RALGAPA1: variants seen among roughly 807,000 people sequenced by gnomAD.
RALGAPA1 encodes ral GTPase-activating protein subunit alpha-1.
Under a neutral mutation model 269.6 loss-of-function variants are expected in RALGAPA1, and 52 were observed. That is an observed-to-expected ratio of 0.19 (90% confidence interval 0.15 to 0.24). The LOEUF (loss-of-function observed/expected upper bound fraction) is 0.24. Among genes scored for constraint, RALGAPA1 ranks in the 10% least tolerant of loss-of-function variants. RALGAPA1 has a pLI of 1.00. For missense variants in RALGAPA1, 1,917 were observed against 3,013.9 expected (o/e 0.64, Z 8.52); for synonymous variants, 817 against 1,008.3 (o/e 0.81, Z 3.60).
chr14:35,718,715 C>T lies in RALGAPA1; in HGVS notation c.2266+2973G>A, dbSNP rs908885335. ...TCTGTAGTCCCAGCTACTTGGGAGGCTGAGGCAGGAGAATTGCCTGAACCT... is the reference window on the plus strand; with the variant it reads ...TCTGTAGTCCCAGCTACTTGGGAGGTTGAGGCAGGAGAATTGCCTGAACCT... On this transcript the variant is annotated intron_variant, in intron 16 of 41. Coordinates refer to ENST00000680220, the MANE Select transcript of RALGAPA1 (RefSeq NM_001346249.2). Among the ~76,000 whole-genome samples the T allele has an allele frequency of 3.9e-5, 6 of 152,086 alleles. No homozygotes were observed. In the South Asian group the frequency reaches 1.0e-3, roughly 26 times the overall value.
intron 15 of RALGAPA1, among the ~76,000 whole-genome samples, chr14:35,722,814 T>C (rs1217661738): frequency 6.6e-6 from 1 of 152,276 alleles, no homozygotes; most frequent in South Asian, 2.1e-4. Context: ...ACATTTTAAA[T>C]AGAGTAACAT....
At chr14:35,780,132 G>C (rs1316515497) in intron 1 of RALGAPA1, among the ~76,000 whole-genome samples, 1 of 151,836 alleles carries the variant, frequency 6.6e-6, no homozygotes, top group East Asian at 1.9e-4. Flanking sequence ...TGCTAGAGAA[G>C]AAGGACATTT....
chr14:35,636,040 C>G (rs2061645217), intron 31 of RALGAPA1, among the ~76,000 whole-genome samples: 2 of 152,232 alleles, frequency 1.3e-5, no homozygotes, highest in Non-Finnish European at 1.5e-5. Flanking sequence ...AATTGTTACT[C>G]ATTTTACTAA....
intron 25 of RALGAPA1, among the ~76,000 whole-genome samples, chr14:35,671,770 T>A (rs2064462390): frequency 6.6e-6 from 1 of 152,146 alleles, no homozygotes; most frequent in African/African-American, 2.4e-5. Context: ...CACTAGAGAT[T>A]AAGGAAGGCT....
intron 36 of RALGAPA1, among the ~76,000 whole-genome samples, chr14:35,600,237 T>G (rs79679818): frequency 1.7e-5 from 2 of 117,798 alleles, no homozygotes; most frequent in Non-Finnish European, 3.3e-5. Flanking sequence ...TTTTTCTTTT[T>G]TTTTTTTTTT....
At chr14:35,647,163 A>AAAGTT (rs2062488403) in intron 31 of RALGAPA1, among the ~76,000 whole-genome samples, 1 of 152,182 alleles carries the variant, frequency 6.6e-6, no homozygotes, top group African/African-American at 2.4e-5. Context: ...TCAAGATTAT[A>AAAGTT]AAGTTGTTTT....
Position 35,605,715 on chromosome 14 carries a change from A to G in RALGAPA1, c.6930-6T>C, listed in dbSNP as rs2059557131. ...CAATCTTGTGTGTCTCTCGGCTATA[A>G]AACAAAAGATTACACCATTAATTTA... is the stretch of plus-strand genomic sequence containing the variant. On this transcript the variant is annotated splice_region_variant and splice_polypyrimidine_tract_variant and intron_variant, in intron 35 of 41. Transcript: ENST00000680220. The G allele has an allele frequency of 1.2e-6, 2 of 1,603,546 alleles. No homozygotes were observed. The highest frequency in any genetic ancestry group is 1.7e-6 in the Non-Finnish European group (2 of 1,177,428).
At chr14:35,669,378 C>A (rs143203995) in intron 26 of RALGAPA1, among the ~76,000 whole-genome samples, 1 of 152,104 alleles carries the variant, frequency 6.6e-6, no homozygotes, top group Non-Finnish European at 1.5e-5. Flanking sequence ...TGTCAGCCTC[C>A]CCAGTAGCTG....
At chr14:35,551,125 T>C (rs760392469) in intron 39 of RALGAPA1, among the ~76,000 whole-genome samples, 2 of 152,324 alleles carry the variant, frequency 1.3e-5, no homozygotes, top group Non-Finnish European at 2.9e-5. Context: ...TACTGGCCTT[T>C]GTGTATTACC....
intron 37 of RALGAPA1, among the ~76,000 whole-genome samples, chr14:35,588,441 T>G (rs184325925): frequency 6.6e-6 from 1 of 152,304 alleles, no homozygotes; most frequent in African/African-American, 2.4e-5. Flanking sequence ...TACAGTGAAG[T>G]AAAAATATCC....
intron 37 of RALGAPA1, among the ~76,000 whole-genome samples, chr14:35,585,521 A>C (rs1304157952): frequency 6.6e-6 from 1 of 152,236 alleles, no homozygotes; most frequent in Non-Finnish European, 1.5e-5. Context: ...ATTAGTTAAA[A>C]ATGGTTTAAA....
intron 39 of RALGAPA1, among the ~76,000 whole-genome samples, chr14:35,549,885 T>C (rs2054817839): frequency 6.6e-6 from 1 of 152,142 alleles, no homozygotes; most frequent in South Asian, 2.1e-4. Flanking sequence ...ATTATAACAC[T>C]GAAACAAGCA....
At chr14:35,715,886 C>T in intron 16 of RALGAPA1, 1 of 985,400 alleles carries the variant, frequency 1.0e-6, no homozygotes, top group African/African-American at 1.7e-5. Flanking sequence ...CCATTTTCCA[C>T]TCATAGTTTT....
chr14:35,681,297 C>T (rs933319354), intron 21 of RALGAPA1, among the ~76,000 whole-genome samples: 1 of 152,208 alleles, frequency 6.6e-6, no homozygotes, highest in African/African-American at 2.4e-5. Context: ...GTTTCTTAAA[C>T]ACCTCTGTGC....
chr14:35,557,332 T>A (rs1323120051), intron 39 of RALGAPA1, among the ~76,000 whole-genome samples: 2 of 151,832 alleles, frequency 1.3e-5, no homozygotes, highest in East Asian at 3.9e-4. Context: ...AAGTGAAATT[T>A]TACAGTGTAC....
At chr14:35,735,064 G>GA (rs1035087552) in intron 12 of RALGAPA1, among the ~76,000 whole-genome samples, 4 of 151,272 alleles carry the variant, frequency 2.6e-5, no homozygotes, top group African/African-American at 4.9e-5. Context: ...AAAAACACTA[G>GA]ATGCTGGCAT....
At chr14:35,695,203 A>G (rs555818342) in intron 17 of RALGAPA1, among the ~76,000 whole-genome samples, 1 of 152,242 alleles carries the variant, frequency 6.6e-6, no homozygotes, top group East Asian at 1.9e-4. Context: ...ACAGCAATCA[A>G]GCCTGGGCAA....
intron 16 of RALGAPA1, among the ~76,000 whole-genome samples, chr14:35,705,802 C>G (rs2067756170): frequency 6.6e-6 from 1 of 152,180 alleles, no homozygotes; most frequent in Non-Finnish European, 1.5e-5. Context: ...TGCTACACTT[C>G]CCTGCCAGCA....
rs561848000 is a variant in RALGAPA1, at chr14:35,638,390, A to G, written c.5677-2792T>C. Among the ~76,000 whole-genome samples, 5 of 152,340 alleles carry G rather than the reference A, an allele frequency of 3.3e-5. No individual in the cohort carries two copies. In the South Asian group the frequency reaches 1.0e-3, roughly 32 times the overall value. ...GCTTGTTGTTTATGCAGTCAGTGTC[A>G]AGTTGGCATTAGTTTAAAATAATGG... On this transcript the variant is annotated intron_variant, in intron 31 of 41. Transcript: ENST00000680220.
Sources: gnomAD v4.1 joint callset for allele counts (sites outside exome capture counted in the v4.1 genomes callset) on GRCh38, gnomAD v4.1.1 for gene constraint, MANE v1.5 for transcripts, NCBI Gene and HGNC (gene_info 2026-07-23, HGNC 2026-07-21) for gene names.